Variants in CPPED1 observed in about 807,000 individuals in gnomAD.
CPPED1 encodes calcineurin like phosphoesterase domain containing 1.
CPPED1 carries 28 observed loss-of-function variants against 28.0 expected under a neutral mutation model. That is an observed-to-expected ratio of 1.00 (90% CI 0.74 to 1.37). The LOEUF (loss-of-function observed/expected upper bound fraction) is 1.37, where lower values mean the gene tolerates loss of function less well. CPPED1 is among the 40% of genes most tolerant of loss of function. The pLI, the probability that CPPED1 is intolerant of heterozygous loss-of-function variation, is 0.00. For missense variants in CPPED1, 504 were observed against 416.5 expected, an observed-to-expected ratio of 1.21 and a Z score of -1.83; for synonymous variants, 198 against 180.2, an observed-to-expected ratio of 1.10 and a Z score of -0.79.
chr16:12,701,644 C>T (rs562706697), intron 3 of CPPED1, among the ~76,000 whole-genome samples: 24 of 152,218 alleles, frequency 1.6e-4, no homozygotes, highest in Admixed American at 4.6e-4. Flanking sequence ...AGAGCTGGGC[C>T]GGACCTGGGG....
intron 2 of CPPED1, among the ~76,000 whole-genome samples, chr16:12,721,131 C>A (rs1436703703): frequency 6.6e-6 from 1 of 152,054 alleles, no homozygotes; most frequent in African/African-American, 2.4e-5. Flanking sequence ...CACGTTACCA[C>A]GATTATTTTT....
chr16:12,734,066 T>G (rs1284395720), intron 2 of CPPED1, among the ~76,000 whole-genome samples: 55 of 117,868 alleles, frequency 4.7e-4, no homozygotes, highest in African/African-American at 1.3e-3. Context: ...ACGTTTTTTT[T>G]TTTTTTTTTT....
chr16:12,725,805 A>G (rs2080167085), intron 2 of CPPED1, among the ~76,000 whole-genome samples: 1 of 152,216 alleles, frequency 6.6e-6, no homozygotes, highest in Non-Finnish European at 1.5e-5. Context: ...CACCAAGGCC[A>G]AGTATTTCAC....
At chr16:12,795,533 T>G (rs925060416) in intron 1 of CPPED1, among the ~76,000 whole-genome samples, 2 of 152,004 alleles carry the variant, frequency 1.3e-5, no homozygotes, top group African/African-American at 4.8e-5. Flanking sequence ...ACAGATGGGG[T>G]TTCACCATGT....
intron 2 of CPPED1, among the ~76,000 whole-genome samples, chr16:12,744,014 C>A (rs1451297477): frequency 4.6e-5 from 7 of 151,824 alleles, no homozygotes; most frequent in Non-Finnish European, 8.8e-5. Flanking sequence ...TGGTGGCTCA[C>A]ACCTGTAATC....
intron 2 of CPPED1, among the ~76,000 whole-genome samples, chr16:12,726,149 C>T (rs1023131846): frequency 1.3e-5 from 2 of 152,100 alleles, no homozygotes; most frequent in African/African-American, 4.8e-5. Flanking sequence ...TCAAACGATC[C>T]TCCTGCCTCA....
At chr16:12,743,990 GAT>G (rs2080269771) in intron 2 of CPPED1, among the ~76,000 whole-genome samples, 1 of 151,696 alleles carries the variant, frequency 6.6e-6, no homozygotes, top group Admixed American at 6.6e-5. Context: ...AAGAAAGAAA[GAT>G]GTGGCTGGGC....
At chr16:12,711,603 T>C (rs2141191587) in intron 2 of CPPED1, among the ~76,000 whole-genome samples, 1 of 152,276 alleles carries the variant, frequency 6.6e-6, no homozygotes, top group South Asian at 2.1e-4. Flanking sequence ...TCTAGGAGTC[T>C]GGAGTTCAGT....
In CPPED1 at chr16:12,704,889, G is replaced by A. The variant is rs564833035; in HGVS notation, c.450C>T (p.Tyr150=). Residue 150 remains tyrosine (Y), a synonymous_variant, in exon 3 of 4, where the codon TAC becomes TAT. Transcript: ENST00000381774. ...EEFCRTWGDD[Y]FSFWVGGVLF... The stretch of plus-strand genomic sequence containing the variant: ...GGACGCCCCCGACCCAGAAGCTGAA[G>A]TAGTCATCTCCCCAAGTCCGGCAGA... The A allele has an allele frequency of 6.2e-7, 1 of 1,614,232 alleles. No individual in the cohort carries two copies. The highest frequency in any genetic ancestry group is 1.1e-5 in the South Asian group (1 of 91,088).
At chr16:12,665,796 G>A (rs2079822455) in intron 3 of CPPED1, among the ~76,000 whole-genome samples, 1 of 152,174 alleles carries the variant, frequency 6.6e-6, no homozygotes, top group South Asian at 2.1e-4. Context: ...GTGGTGGCAG[G>A]TGCCTGCAGT....
intron 3 of CPPED1, among the ~76,000 whole-genome samples, chr16:12,689,042 GA>G: frequency 6.6e-6 from 1 of 152,158 alleles, no homozygotes. Context: ...GTATGACAAA[GA>G]ACAAGTGGAA....
rs560582351 is a variant in CPPED1 at position 12,771,108 on chromosome 16, T to C, written c.289+10077A>G. Among the ~76,000 whole-genome samples the C allele has an allele frequency of 1.1e-3, 164 of 152,334 alleles. 2 individuals carry two copies. Among genetic ancestry groups the C allele is most frequent in the Non-Finnish European group, 8.8e-5 (6 of 68,020 alleles). ...TCCGTATCTACCCTCATTTAAATCC[T>C]ACAGGAGACTAGGATGACAACAACA... On this transcript the variant is annotated intron_variant, in intron 2 of 3. Coordinates refer to ENST00000381774, the MANE Select transcript of CPPED1 (RefSeq NM_018340.3).
chr16:12,692,156 G>A (rs533110625), intron 3 of CPPED1, among the ~76,000 whole-genome samples: 3 of 152,168 alleles, frequency 2.0e-5, no homozygotes, highest in African/African-American at 7.2e-5. Flanking sequence ...GCCCGGCCGT[G>A]TCCATTGCAT....
chr16:12,779,160 A>G (rs2141237515), intron 2 of CPPED1, among the ~76,000 whole-genome samples: 1 of 152,272 alleles, frequency 6.6e-6, no homozygotes, highest in East Asian at 1.9e-4. Flanking sequence ...TGAGCCCTAT[A>G]ACATTCTGTT....
intron 1 of CPPED1, among the ~76,000 whole-genome samples, chr16:12,795,445 T>C (rs1288379443): frequency 6.6e-6 from 1 of 152,176 alleles, no homozygotes; most frequent in East Asian, 1.9e-4. Context: ...GCGCATGCAG[T>C]TCTCCTGCCT....
chr16:12,691,042 C>T lies in CPPED1; in HGVS notation c.715+13582G>A, dbSNP rs139609895. On this transcript the variant is annotated intron_variant, in intron 3 of 3. Coordinates refer to ENST00000381774, the MANE Select transcript of CPPED1 (RefSeq NM_018340.3). ...CGTGCCCACGGTGCATTCTGCTCAT[C>T]AACATGCTCTGGGGCACCCAACAGC... Among the ~76,000 whole-genome samples, 560 of 152,332 alleles carry T rather than the reference C, an allele frequency of 3.7e-3. 7 individuals are homozygous for T. Among genetic ancestry groups the T allele is most frequent in the African/African-American group, 0.012 (510 of 41,568 alleles).
intron 2 of CPPED1, among the ~76,000 whole-genome samples, chr16:12,723,570 G>C (rs1162123555): frequency 6.6e-6 from 1 of 152,116 alleles, no homozygotes; most frequent in African/African-American, 2.4e-5. Context: ...GCCTCGGAAG[G>C]AATCGATCTA....
At chr16:12,774,983 G>A (rs1433771108) in intron 2 of CPPED1, among the ~76,000 whole-genome samples, 1 of 152,074 alleles carries the variant, frequency 6.6e-6, no homozygotes, top group African/African-American at 2.4e-5. Context: ...ACCATGCCTG[G>A]ATAATTTTCT....
intron 3 of CPPED1, among the ~76,000 whole-genome samples, chr16:12,696,185 C>T (rs1014774353): frequency 6.6e-6 from 1 of 152,074 alleles, no homozygotes; most frequent in Non-Finnish European, 1.5e-5. Context: ...ATTATTTTCC[C>T]TTTCAAATCT....
Sources: gnomAD v4.1 joint callset for allele counts (sites outside exome capture counted in the v4.1 genomes callset) on GRCh38, gnomAD v4.1.1 for gene constraint, MANE v1.5 for transcripts, NCBI Gene and HGNC (gene_info 2026-07-23, HGNC 2026-07-21) for gene names.